Variants in NSUN4 observed in about 807,000 individuals in gnomAD.
NSUN4 encodes NOP2/Sun RNA methyltransferase 4, also known as 5-cytosine rRNA methyltransferase NSUN4.
In NSUN4, 31 loss-of-function variants were observed where a neutral mutation model predicts 43.8. The observed-to-expected ratio is 0.71, with a 90% CI of 0.53 to 0.96. NSUN4 has a LOEUF of 0.96. NSUN4 is among the 40% of genes least tolerant of loss of function. The probability of loss-of-function intolerance (pLI) is 0.00; values close to 1 mark genes in which losing one functional copy is unlikely to be tolerated. For missense variants in NSUN4, 439 were observed against 475.6 expected, an observed-to-expected ratio of 0.92 and a Z score of 0.72; for synonymous variants, 167 against 184.1, an observed-to-expected ratio of 0.91 and a Z score of 0.75.
At chr1:46,371,412 TCTC>T in the NSUN4 span, among the ~76,000 whole-genome samples, 1 of 151,980 alleles carries the variant, frequency 6.6e-6, no homozygotes. Flanking sequence ...TTCACGCCAT[TCTC>T]CTGCCTCAGC....
chr1:46,371,706 C>G, the NSUN4 span, among the ~76,000 whole-genome samples: 1 of 152,142 alleles, frequency 6.6e-6, no homozygotes, highest in African/African-American at 2.4e-5. Flanking sequence ...TCCCAACAAT[C>G]TGGGATTACA....
At chr1:46,358,181 C>A (rs372417494) in intron 4 of NSUN4, among the ~76,000 whole-genome samples, 1 of 151,692 alleles carries the variant, frequency 6.6e-6, no homozygotes, top group Non-Finnish European at 1.5e-5. Flanking sequence ...CTGCAACCTC[C>A]GCCTCCTGGG....
intron 4 of NSUN4, among the ~76,000 whole-genome samples, chr1:46,354,304 G>A (rs1394220277): frequency 1.3e-5 from 2 of 151,986 alleles, no homozygotes; most frequent in East Asian, 3.9e-4. Flanking sequence ...TCACTATGTT[G>A]CCCAGGCTGG....
At position 46,341,027 on chromosome 1, in the gene NSUN4, C is replaced by T. The variant is rs571354539; in HGVS notation, c.93+108C>T. 12 of 1,202,580 alleles carry T rather than the reference C, an allele frequency of 1.0e-5. No homozygotes were observed. The South Asian group carries it at 1.4e-4, about 14-fold the overall frequency. 74.5% of individuals were successfully genotyped at this position (1,202,580 alleles called of 1,614,324 possible). ...CCTAGCGTCTTTCCCAAGCACTCCA[C>T]GGAACGTCCTTAGGCACCTCCCTCT... On this transcript the variant is annotated intron_variant, in intron 1 of 5. Transcript: ENST00000474844.
At chr1:46,361,102 G>A (rs1443742349) in intron 5 of NSUN4, among the ~76,000 whole-genome samples, 7 of 152,024 alleles carry the variant, frequency 4.6e-5, no homozygotes, top group Non-Finnish European at 1.5e-5. Context: ...AGCTGAGATC[G>A]TGCCACTGCA....
Position 46,362,027 on chromosome 1 carries a change from G to T in NSUN4, c.*181G>T. The T allele has an allele frequency of 3.2e-6, 2 of 629,854 alleles. No homozygotes were observed. The highest frequency in any genetic ancestry group is 5.5e-6 in the Non-Finnish European group (2 of 364,684). 39.0% of individuals were successfully genotyped at this position (629,854 alleles called of 1,614,324 possible). A position where few individuals can be genotyped will look rare whatever the true frequency, so the allele number is the denominator to read the frequency against. ...TGCTGTCCTGCTGTCCAATTGTGGAGCATCAGCAGGTTTCCAACTCACTCA... is the reference window on the plus strand; with the variant it reads ...TGCTGTCCTGCTGTCCAATTGTGGATCATCAGCAGGTTTCCAACTCACTCA... On this transcript the variant is annotated 3_prime_UTR_variant, in exon 6 of 6. Transcript: ENST00000474844.
downstream of NSUN4, among the ~76,000 whole-genome samples, chr1:46,368,093 C>T (rs1173171192): frequency 6.6e-6 from 1 of 152,044 alleles, no homozygotes; most frequent in Non-Finnish European, 1.5e-5. Context: ...CTTGAAATGT[C>T]GCTTATATTT....
chr1:46,344,461 C>G (rs1662334526), intron 1 of NSUN4, among the ~76,000 whole-genome samples: 1 of 152,204 alleles, frequency 6.6e-6, no homozygotes, highest in Admixed American at 6.5e-5. Flanking sequence ...CAAAGCTTCC[C>G]AGAGCCTCCA....
intron 3 of NSUN4, among the ~76,000 whole-genome samples, chr1:46,349,535 C>T (rs541498305): frequency 4.6e-5 from 7 of 152,284 alleles, no homozygotes; most frequent in East Asian, 1.9e-4. Flanking sequence ...GACAAAGGGC[C>T]GTAATTTACA....
At chr1:46,373,445 T>A in the NSUN4 span, among the ~76,000 whole-genome samples, 1 of 152,368 alleles carries the variant, frequency 6.6e-6, no homozygotes, top group Non-Finnish European at 1.5e-5. Flanking sequence ...AATTTATTTC[T>A]TTCAGTTCTG....
downstream of NSUN4, among the ~76,000 whole-genome samples, chr1:46,368,700 A>G (rs1274078293): frequency 6.6e-6 from 1 of 152,234 alleles, no homozygotes; most frequent in Admixed American, 6.5e-5. Context: ...AAATTTTAAC[A>G]TATGTCATTT....
At chr1:46,373,779 C>G in the NSUN4 span, among the ~76,000 whole-genome samples, 3 of 152,170 alleles carry the variant, frequency 2.0e-5, no homozygotes, top group Non-Finnish European at 4.4e-5. Flanking sequence ...AGGCCCCACC[C>G]CTTAATACTG....
chr1:46,341,789 G>A (rs1662127463), intron 1 of NSUN4: 2 of 1,232,318 alleles, frequency 1.6e-6, no homozygotes, highest in South Asian at 4.1e-5. Context: ...GCATTCCGGG[G>A]TCACCCCCTC....
At chr1:46,359,010 C>T (rs1663605969) in intron 4 of NSUN4, among the ~76,000 whole-genome samples, 1 of 152,082 alleles carries the variant, frequency 6.6e-6, no homozygotes, top group South Asian at 2.1e-4. Context: ...GTAATCCCAG[C>T]ACTTTAGGAG....
At chr1:46,346,199 G>A (rs1321588459) in intron 2 of NSUN4, among the ~76,000 whole-genome samples, 1 of 149,990 alleles carries the variant, frequency 6.7e-6, no homozygotes, top group African/African-American at 2.5e-5. Flanking sequence ...GCATTTAAGT[G>A]CCTTGATGAA....
rs1257926639 is a variant in NSUN4 at position 46,362,621 on chromosome 1, T to C, written c.*775T>C. On this transcript the variant is annotated 3_prime_UTR_variant, in exon 6 of 6. Transcript: ENST00000474844. The stretch of plus-strand genomic sequence containing the variant: ...CAGGTAGCTAGGGAGCTCTTGGAGA[T>C]GTAGCAGTTGGGATTGTGGGAGATT... 1 of 152,212 alleles carries C rather than the reference T, an allele frequency of 6.6e-6. No individual in the cohort carries two copies. Among genetic ancestry groups the C allele is most frequent in the Non-Finnish European group, 1.5e-5 (1 of 68,034 alleles). 9.4% of individuals were successfully genotyped at this position (152,212 alleles called of 1,614,324 possible).
At chr1:46,345,327 G>T in intron 2 of NSUN4, 183 bp downstream of exon 2, 1 of 547,060 alleles carries the variant, frequency 1.8e-6, no homozygotes, top group Non-Finnish European at 3.2e-6. Flanking sequence ...TCTGTCAGCA[G>T]CCTTATGAAG....
chr1:46,343,813 C>T (rs1366898743), intron 1 of NSUN4: 5 of 400,282 alleles, frequency 1.2e-5, no homozygotes, highest in African/African-American at 4.1e-5. Context: ...TGGCAAAAGT[C>T]GGAACCGGAG....
chr1:46,358,091 T>TTATG (rs1342528083), intron 4 of NSUN4, among the ~76,000 whole-genome samples: 1 of 151,820 alleles, frequency 6.6e-6, no homozygotes, highest in Non-Finnish European at 1.5e-5. Context: ...ATTTTTGTAT[T>TTATG]TATTTATTTA....
Sources: gnomAD v4.1 joint callset for allele counts (sites outside exome capture counted in the v4.1 genomes callset) on GRCh38, gnomAD v4.1.1 for gene constraint, MANE v1.5 for transcripts, NCBI Gene and HGNC (gene_info 2026-07-23, HGNC 2026-07-21) for gene names.